IFNAR1: variants seen among roughly 807,000 people sequenced by gnomAD.
IFNAR1 encodes the protein interferon alpha and beta receptor subunit 1.
Under a neutral mutation model 62.1 loss-of-function variants are expected in IFNAR1, and 47 were observed. The ratio of observed to expected loss-of-function variants is 0.76; its 90% confidence interval spans 0.60 to 0.97. The LOEUF (loss-of-function observed/expected upper bound fraction) is 0.97, where lower values mean the gene tolerates loss of function less well. Among genes scored for constraint, IFNAR1 ranks in the 50% least tolerant of loss-of-function variants. The pLI is 0.00. For missense variants in IFNAR1, 638 were observed against 654.5 expected (o/e 0.97, Z 0.27); for synonymous variants, 219 against 226.9 (o/e 0.97, Z 0.31).
At chr21:33,333,882 CA>C in intron 1 of IFNAR1, among the ~76,000 whole-genome samples, 1 of 152,114 alleles carries the variant, frequency 6.6e-6, no homozygotes, top group East Asian at 1.9e-4. Context: ...CTCGGCCTCC[CA>C]AAGTGCGGAA....
chr21:33,357,342 A>G lies in IFNAR1; in HGVS notation c.*1793A>G, dbSNP rs1003714465. On this transcript the variant is annotated 3_prime_UTR_variant, in exon 11 of 11. Coordinates refer to ENST00000270139, the MANE Select transcript of IFNAR1 (RefSeq NM_000629.3). ...TCGGGAGGGCTGTGATGCTCGGCAC[A>G]TCCTGCCTGGCACATACACGTGTCT... 6.6e-6 allele frequency: 1 copy of G among 152,198 alleles called. No homozygotes were observed. The highest frequency in any genetic ancestry group is 1.5e-5 in the Non-Finnish European group (1 of 68,086). The allele number at this position is 152,198 out of a possible 1,614,324, so 9.4% of individuals were successfully genotyped here.
chr21:33,329,870 CA>C (rs1452247532), intron 1 of IFNAR1, among the ~76,000 whole-genome samples: 3 of 152,122 alleles, frequency 2.0e-5, no homozygotes, highest in African/African-American at 7.2e-5. Flanking sequence ...GCAGTTTTTA[CA>C]AATACTTCTT....
intron 1 of IFNAR1, among the ~76,000 whole-genome samples, chr21:33,329,876 C>A (rs2083159605): frequency 6.6e-6 from 1 of 152,120 alleles, no homozygotes; most frequent in Non-Finnish European, 1.5e-5. Flanking sequence ...TTTACAAATA[C>A]TTCTTTTGAG....
At chr21:33,330,857 T>G (rs1233071294) in intron 1 of IFNAR1, among the ~76,000 whole-genome samples, 1 of 152,016 alleles carries the variant, frequency 6.6e-6, no homozygotes, top group African/African-American at 2.4e-5. Context: ...CACCAACAGA[T>G]CTCACCACTG....
intron 2 of IFNAR1, among the ~76,000 whole-genome samples, chr21:33,339,657 C>G (rs978899716): frequency 2.0e-5 from 3 of 152,028 alleles, no homozygotes; most frequent in Admixed American, 2.0e-4. Flanking sequence ...CATGGTGGCT[C>G]ACGCCTGTAA....
chr21:33,340,973 A>G, intron 2 of IFNAR1, 26 bp from the exon 3 acceptor site: 2 of 1,478,346 alleles, frequency 1.4e-6, no homozygotes, highest in Non-Finnish European at 1.9e-6. Context: ...TTGCTCACTC[A>G]TTCATTTGTT....
intron 6 of IFNAR1, among the ~76,000 whole-genome samples, chr21:33,348,513 A>T (rs2083369826): frequency 6.6e-6 from 1 of 152,224 alleles, no homozygotes. Flanking sequence ...AATTTATATA[A>T]CTTAATTTTT....
chr21:33,330,092 C>A (rs2083161214), intron 1 of IFNAR1, among the ~76,000 whole-genome samples: 1 of 152,204 alleles, frequency 6.6e-6, no homozygotes, highest in Non-Finnish European at 1.5e-5. Flanking sequence ...TACCCATCTT[C>A]CACCTCTCAA....
Position 33,356,019 on chromosome 21 carries a change from G to C in IFNAR1, c.*470G>C, listed in dbSNP as rs1394476327. ...GACAGCGTGAGACTCTTTAAAAAAAGAAATTAAAAGAGTTGAGACAAACGT... is the reference window on the plus strand; with the variant it reads ...GACAGCGTGAGACTCTTTAAAAAAACAAATTAAAAGAGTTGAGACAAACGT... On this transcript the variant is annotated 3_prime_UTR_variant, in exon 11 of 11. Transcript: ENST00000270139. 1 of 152,150 alleles carries C rather than the reference G, an allele frequency of 6.6e-6. No homozygotes were observed. The highest frequency in any genetic ancestry group is 1.5e-5 in the Non-Finnish European group (1 of 68,052). 9.4% of individuals were successfully genotyped at this position (152,150 alleles called of 1,614,324 possible).
rs772276038 is a variant in IFNAR1, at chr21:33,355,351, T to A, written c.1476T>A (p.Leu492=). 1 of 1,595,572 alleles carries A rather than the reference T, an allele frequency of 6.3e-7. No individual in the cohort carries two copies. The highest frequency in any genetic ancestry group is 8.5e-7 in the Non-Finnish European group (1 of 1,170,970). Residue 492 remains leucine, a synonymous_variant, in exon 11 of 11, where the codon CTT becomes CTA. Coordinates refer to ENST00000270139, the MANE Select transcript of IFNAR1 (RefSeq NM_000629.3). ...FSEQPLKNLL[L]STSEEQIEKC... is the part of the protein sequence containing the mutation. Reference sequence around the variant, plus strand: ...AACAGCCATTGAAGAATCTTCTGCTTTCAACTTCTGAGGAACAAATCGAAA... The same window carrying A: ...AACAGCCATTGAAGAATCTTCTGCTATCAACTTCTGAGGAACAAATCGAAA...
At chr21:33,347,633 C>G (rs2083362213) in intron 6 of IFNAR1, among the ~76,000 whole-genome samples, 1 of 152,126 alleles carries the variant, frequency 6.6e-6, no homozygotes, top group Non-Finnish European at 1.5e-5. Flanking sequence ...TCATTTGATT[C>G]AACTGATTTG....
At chr21:33,354,779 A>G (rs986572420) in intron 10 of IFNAR1, among the ~76,000 whole-genome samples, 9 of 152,136 alleles carry the variant, frequency 5.9e-5, no homozygotes, top group African/African-American at 2.2e-4. Flanking sequence ...AAAGGAGTTA[A>G]ACCATAAGAA....
rs755139751 is a variant in IFNAR1 at position 33,352,772 on chromosome 21, G to GA, written c.1165dup (p.Thr389AsnfsTer2). The stretch of plus-strand genomic sequence containing the variant: ...ATATTTTCTAGAGAAAAATTATCGA[G>GA]AAAAAAACTGATGTTACAGTTCCTA... On this transcript the variant is annotated frameshift_variant, in exon 9 of 11. Transcript: ENST00000270139. LOFTEE classifies it high-confidence loss of function. 7.3e-6 allele frequency: 11 copies of GA among 1,515,016 alleles called. No individual in the cohort carries two copies. The highest frequency in any genetic ancestry group is 9.9e-6 in the Non-Finnish European group (11 of 1,111,960). 93.8% of individuals were successfully genotyped at this position (1,515,016 alleles called of 1,614,324 possible).
intron 6 of IFNAR1, among the ~76,000 whole-genome samples, chr21:33,348,547 C>A (rs893290741): frequency 6.6e-6 from 1 of 151,832 alleles, no homozygotes; most frequent in Non-Finnish European, 1.5e-5. Flanking sequence ...CTTTAAAAAC[C>A]AGTTTGTATT....
Position 33,343,713 on chromosome 21 carries a change from A to G in IFNAR1, c.673+37A>G, listed in dbSNP as rs8128369. ...GTTTTGTTTTAGATTCAATAAATAT[A>G]TAAACAGATTGTCAATTTTGGCATC... On this transcript the variant is annotated intron_variant, in intron 5 of 10. Transcript: ENST00000270139. 2.1e-3 allele frequency: 3,031 copies of G among 1,453,522 alleles called. 60 individuals are homozygous for G. In the African/African-American group the frequency reaches 0.038, roughly 18 times the overall value. 90.0% of individuals were successfully genotyped at this position (1,453,522 alleles called of 1,614,324 possible).
intron 1 of IFNAR1, among the ~76,000 whole-genome samples, chr21:33,333,403 C>G (rs188280047): frequency 6.6e-5 from 10 of 152,070 alleles, no homozygotes; most frequent in African/African-American, 2.4e-4. Context: ...GTATAAAACT[C>G]TCTGATAGAG....
rs2123288062 is a variant in IFNAR1 at position 33,359,859 on chromosome 21, CT to C, written c.*4312del. The C allele has an allele frequency of 6.6e-6, 1 of 152,276 alleles. No individual in the cohort carries two copies. The highest frequency in any genetic ancestry group is 1.9e-4 in the East Asian group (1 of 5,184). 9.4% of individuals were successfully genotyped at this position (152,276 alleles called of 1,614,324 possible). On this transcript the variant is annotated 3_prime_UTR_variant, in exon 11 of 11. Coordinates refer to ENST00000270139, the MANE Select transcript of IFNAR1 (RefSeq NM_000629.3). ...CTTAGTAATAACAAAATACCAGTAA[CT>C]TCCAGTTGTTTCTCACTACCTTTTT...
intron 2 of IFNAR1, 47 bp from the exon 3 acceptor site, chr21:33,340,952 C>T (rs376836380): frequency 1.3e-5 from 16 of 1,202,414 alleles, no homozygotes; most frequent in African/African-American, 3.0e-5. Context: ...TTGACACTTA[C>T]ATTTATACAT....
intron 1 of IFNAR1, among the ~76,000 whole-genome samples, chr21:33,333,862 A>G (rs2083206946): frequency 6.6e-6 from 1 of 151,938 alleles, no homozygotes; most frequent in Non-Finnish European, 1.5e-5. Context: ...TGACCTCGTG[A>G]TCCACCCGCC....
Sources: gnomAD v4.1 joint callset for allele counts (sites outside exome capture counted in the v4.1 genomes callset) on GRCh38, gnomAD v4.1.1 for gene constraint, MANE v1.5 for transcripts, NCBI Gene and HGNC (gene_info 2026-07-23, HGNC 2026-07-21) for gene names.